DNAH7: variants seen among roughly 807,000 people sequenced by gnomAD.
DNAH7 encodes dynein axonemal heavy chain 7.
A neutral mutation model predicts 444.6 loss-of-function variants in DNAH7; 397 were observed. The observed-to-expected ratio is 0.89, with a 90% CI of 0.82 to 0.97. The LOEUF is 0.97. DNAH7 is among the 50% of genes least tolerant of loss of function. The pLI, the probability that DNAH7 is intolerant of heterozygous loss-of-function variation, is 0.00. For synonymous variants in DNAH7, 1,636 were observed against 1,624.4 expected (o/e 1.01, Z -0.17); for missense variants, 4,902 against 4,800.8 (o/e 1.02, Z -0.62).
chr2:195,747,393 T>C (rs978467511), intron 63 of DNAH7, among the ~76,000 whole-genome samples: 1 of 152,176 alleles, frequency 6.6e-6, no homozygotes, highest in Non-Finnish European at 1.5e-5. Context: ...ATTCACAGCC[T>C]AATTCTACCA....
chr2:195,996,428 CTTTTT>C (rs5837486), intron 12 of DNAH7, among the ~76,000 whole-genome samples: 1 of 144,602 alleles, frequency 6.9e-6, no homozygotes, highest in Non-Finnish European at 1.5e-5. Flanking sequence ...CCAACTTAAT[CTTTTT>C]TTTTTTTTTT....
chr2:195,836,910 C>A (rs1322168692), intron 47 of DNAH7, among the ~76,000 whole-genome samples: 1 of 152,208 alleles, frequency 6.6e-6, no homozygotes, highest in Non-Finnish European at 1.5e-5. Context: ...TCTCTCCCAT[C>A]TTTTCCCATT....
chr2:196,060,182 C>T (rs1246173880), intron 1 of DNAH7, among the ~76,000 whole-genome samples: 1 of 152,048 alleles, frequency 6.6e-6, no homozygotes, highest in Non-Finnish European at 1.5e-5. Context: ...TGAGCCACTG[C>T]ACTCCAGCCT....
chr2:195,914,528 G>T (rs1208573909), intron 24 of DNAH7, among the ~76,000 whole-genome samples: 4 of 152,154 alleles, frequency 2.6e-5, no homozygotes, highest in Admixed American at 2.6e-4. Flanking sequence ...CAACTGCATT[G>T]TTCTTGGCCT....
intron 8 of DNAH7, among the ~76,000 whole-genome samples, chr2:196,021,555 C>T (rs1392358134): frequency 6.6e-6 from 1 of 152,190 alleles, no homozygotes; most frequent in Non-Finnish European, 1.5e-5. Flanking sequence ...CACAGAGGCT[C>T]ACACCTGTAA....
At chr2:195,872,701 C>A (rs2125130830) in intron 39 of DNAH7, among the ~76,000 whole-genome samples, 1 of 152,116 alleles carries the variant, frequency 6.6e-6, no homozygotes, top group East Asian at 1.9e-4. Context: ...GTGAAATGAG[C>A]AGGGCCAGTT....
intron 15 of DNAH7, among the ~76,000 whole-genome samples, chr2:195,973,961 C>T (rs1003358174): frequency 2.6e-5 from 4 of 151,988 alleles, no homozygotes; most frequent in African/African-American, 9.7e-5. Flanking sequence ...GCCAGTAATC[C>T]AGCTACTTAG....
intron 15 of DNAH7, among the ~76,000 whole-genome samples, chr2:195,978,800 T>G (rs976352054): frequency 6.6e-6 from 1 of 152,014 alleles, no homozygotes; most frequent in Admixed American, 6.6e-5. Context: ...AAAGTAGATT[T>G]CAAGATAAAA....
chr2:195,866,404 T>C (rs1211403302), intron 40 of DNAH7, among the ~76,000 whole-genome samples: 1 of 152,228 alleles, frequency 6.6e-6, no homozygotes, highest in Non-Finnish European at 1.5e-5. Flanking sequence ...ACTTCCTTCT[T>C]ATTCCAACCA....
At chr2:195,810,946 A>C (rs189021637) in intron 51 of DNAH7, among the ~76,000 whole-genome samples, 1 of 152,212 alleles carries the variant, frequency 6.6e-6, no homozygotes, top group Non-Finnish European at 1.5e-5. Flanking sequence ...TGGTCTTTTC[A>C]GAGTAAAACA....
intron 61 of DNAH7, among the ~76,000 whole-genome samples, chr2:195,763,547 C>G (rs1694442540): frequency 6.6e-6 from 1 of 151,896 alleles, no homozygotes; most frequent in Non-Finnish European, 1.5e-5. Flanking sequence ...AGAAACATTA[C>G]AATAGATGGC....
rs768660117 is a variant in DNAH7 at position 195,960,492 on chromosome 2, G to A, written c.2659C>T (p.Arg887Ter). The change falls in exon 18 of 65, where the codon CGA becomes TGA. Residue 887 changes from arginine to a stop codon, truncating the protein, a stop_gained. Transcript: ENST00000312428. LOFTEE classifies it high-confidence loss of function. ...GCTGCTTCACTAATACCTTCAAATC[G>A]GTCTATATATGGTTCCAGATTCATG... ...LDMNLEPYID[R>*]FEGISEAASK... The A allele has an allele frequency of 6.8e-6, 11 of 1,614,034 alleles. No individual in the cohort carries two copies. The highest frequency in any genetic ancestry group is 2.2e-5 in the East Asian group (1 of 44,882).
At chr2:196,044,203 A>ATATATG (rs1553611806) in intron 5 of DNAH7, among the ~76,000 whole-genome samples, 4 of 146,998 alleles carry the variant, frequency 2.7e-5, no homozygotes, top group African/African-American at 1.0e-4. Flanking sequence ...ATATATATAT[A>ATATATG]TGTGTGTGTG....
At chr2:195,865,303 G>T (rs1432884521) in intron 40 of DNAH7, among the ~76,000 whole-genome samples, 1 of 152,128 alleles carries the variant, frequency 6.6e-6, no homozygotes, top group Non-Finnish European at 1.5e-5. Flanking sequence ...GAGAATTAAG[G>T]CCTTGAGAAG....
intron 8 of DNAH7, among the ~76,000 whole-genome samples, chr2:196,019,541 ATC>A (rs1695244456): frequency 1.3e-5 from 2 of 152,276 alleles, no homozygotes; most frequent in Admixed American, 6.5e-5. Context: ...ACTAATTTTT[ATC>A]TCCAAATACT....
chr2:195,813,601 T>TG (rs1460004426), intron 51 of DNAH7, among the ~76,000 whole-genome samples: 2 of 152,198 alleles, frequency 1.3e-5, no homozygotes, highest in African/African-American at 4.8e-5. Context: ...CTAACACAGA[T>TG]GGTCACTTCA....
At chr2:195,880,324 CTTTT>C (rs1349630607) in intron 36 of DNAH7, among the ~76,000 whole-genome samples, 1 of 145,212 alleles carries the variant, frequency 6.9e-6, no homozygotes. Flanking sequence ...TTCTTTCTTT[CTTTT>C]TCTTTTTTTT....
intron 16 of DNAH7, among the ~76,000 whole-genome samples, chr2:195,970,794 A>C (rs2125570452): frequency 1.3e-5 from 2 of 152,350 alleles, no homozygotes; most frequent in South Asian, 4.1e-4. Flanking sequence ...GTTATTCAAA[A>C]ATAGATTTTC....
At chr2:195,941,463 A>C (rs1559250955) in intron 19 of DNAH7, among the ~76,000 whole-genome samples, 1 of 151,666 alleles carries the variant, frequency 6.6e-6, no homozygotes. Flanking sequence ...AAAAAAAAAA[A>C]AAAAAACCTA....
Sources: allele counts gnomAD v4.1 joint callset (sites outside exome capture counted in the v4.1 genomes callset), GRCh38; gene constraint gnomAD v4.1.1; transcripts MANE v1.5; gene names NCBI Gene and HGNC (gene_info 2026-07-23, HGNC 2026-07-21).